Variants in EVC2 observed in about 807,000 individuals in gnomAD.
EVC2 encodes the protein limbin.
EVC2 carries 148 observed loss-of-function variants against 149.3 expected under a neutral mutation model. The ratio of observed to expected loss-of-function variants is 0.99; its 90% CI spans 0.87 to 1.14. The LOEUF is 1.14. Ranked by LOEUF, EVC2 falls within the 50% of genes most tolerant of loss-of-function variation. The pLI is 0.00. For synonymous variants in EVC2, 776 were observed against 649.9 expected (o/e 1.19, Z -2.95); for missense variants, 1,854 against 1,627.3 (o/e 1.14, Z -2.40).
chr4:5,640,609 C>T lies in EVC2; in HGVS notation c.1375G>A (p.Asp459Asn), dbSNP rs1717255444. ...RKMVALTAECDLETRKKMENQ... is the reference protein window; with the variant it reads ...RKMVALTAECNLETRKKMENQ... ...TCCATCTTCTTTCTTGTTTCCAGGT[C>T]ACATTCAGCTGTCAATGCCACCATC... Residue 459 changes from aspartate to asparagine, a missense_variant, in exon 10 of 22, where the codon GAC becomes AAC. Physicochemically the swap from Asp to Asn is conservative, Grantham distance 23 (BLOSUM62 1). Coordinates refer to ENST00000344408, the MANE Select transcript of EVC2 (RefSeq NM_147127.5). The surrounding 1 kb of genome is among the most constrained non-coding windows in gnomAD (Gnocchi z 4.6). 1.2e-6 allele frequency: 2 copies of T among 1,614,020 alleles called. No individual in the cohort carries two copies. Among genetic ancestry groups the T allele is most frequent in the South Asian group, 2.2e-5 (2 of 91,070 alleles).
intron 10 of EVC2, among the ~76,000 whole-genome samples, chr4:5,639,939 TC>T (rs1717194116): frequency 6.6e-6 from 1 of 152,220 alleles, no homozygotes; most frequent in Non-Finnish European, 1.5e-5. Flanking sequence ...CCCTATACCT[TC>T]ACTGCCTAGC....
intron 17 of EVC2, among the ~76,000 whole-genome samples, chr4:5,581,407 GT>G (rs1342614113): frequency 2.0e-5 from 3 of 152,226 alleles, no homozygotes; most frequent in African/African-American, 4.8e-5. Context: ...GGCTGAGGAG[GT>G]CTCAGATGGA....
chr4:5,583,346 T>TA (rs1179764676), intron 17 of EVC2, among the ~76,000 whole-genome samples: 33 of 152,348 alleles, frequency 2.2e-4, no homozygotes, highest in African/African-American at 7.2e-4. Flanking sequence ...GTTTTGGTGT[T>TA]AAAGTTATCT....
intron 21 of EVC2, among the ~76,000 whole-genome samples, chr4:5,556,578 G>T (rs1721845087): frequency 6.6e-6 from 1 of 151,814 alleles, no homozygotes; most frequent in African/African-American, 2.4e-5. Flanking sequence ...AGAAAAAAAT[G>T]ATAATAAAAA....
intron 21 of EVC2, among the ~76,000 whole-genome samples, chr4:5,545,256 G>T (rs1380749724): frequency 6.6e-6 from 1 of 152,098 alleles, no homozygotes; most frequent in Non-Finnish European, 1.5e-5. Context: ...ATAAATAAAT[G>T]ACACACAGAA....
intron 14 of EVC2, among the ~76,000 whole-genome samples, chr4:5,620,054 T>C (rs1291260183): frequency 6.6e-6 from 1 of 152,186 alleles, no homozygotes; most frequent in African/African-American, 2.4e-5. Context: ...GGAAAGAGAA[T>C]GAGACCTTCA....
At chr4:5,628,531 G>A (rs369880384) in intron 12 of EVC2, 28 bp downstream of exon 12, 58 of 1,612,956 alleles carry the variant, frequency 3.6e-5, no homozygotes, top group Admixed American at 3.2e-4. Context: ...AAGACAGTTC[G>A]CACTGTTGGG....
intron 17 of EVC2, among the ~76,000 whole-genome samples, chr4:5,580,731 T>C (rs1336093653): frequency 6.6e-6 from 1 of 152,154 alleles, no homozygotes. Context: ...TCTGTGGAGG[T>C]TTCCTCCTGT....
chr4:5,625,619 C>T lies in EVC2; in HGVS notation c.2046+130G>A, dbSNP rs116465998. The T allele has an allele frequency of 6.4e-4, 775 of 1,214,388 alleles. 2 individuals carry two copies. In the African/African-American group the frequency reaches 8.7e-3, roughly 14 times the overall value. The allele number at this position is 1,214,388 out of a possible 1,614,324, so 75.2% of individuals were successfully genotyped here. A position where few individuals can be genotyped will look rare whatever the true frequency, so the allele number is the denominator to read the frequency against. On this transcript the variant is annotated intron_variant, in intron 13 of 21. Transcript: ENST00000344408. The surrounding 1 kb of genome is among the most constrained non-coding windows in gnomAD (Gnocchi z 4.0). Reference sequence around the variant, plus strand: ...CGCTACCAATCAACAGTAGATGGCACATCATGGTGCCTGCCCAGCTGCCCT... The same window carrying T: ...CGCTACCAATCAACAGTAGATGGCATATCATGGTGCCTGCCCAGCTGCCCT...
chr4:5,658,166 C>G (rs576107557), intron 9 of EVC2, among the ~76,000 whole-genome samples: 1 of 152,164 alleles, frequency 6.6e-6, no homozygotes, highest in African/African-American at 2.4e-5. Flanking sequence ...GTCCGGCAAA[C>G]AAGAGTCTTG....
At chr4:5,610,748 G>A (rs559377574) in intron 16 of EVC2, among the ~76,000 whole-genome samples, 40 of 150,920 alleles carry the variant, frequency 2.7e-4, no homozygotes, top group African/African-American at 8.3e-4. Flanking sequence ...CTCTTGCAGC[G>A]TGTTCTTCTT....
At chr4:5,672,213 G>C (rs962801502) in intron 7 of EVC2, among the ~76,000 whole-genome samples, 5 of 152,178 alleles carry the variant, frequency 3.3e-5, no homozygotes, top group African/African-American at 1.2e-4. Flanking sequence ...AGTGGGCAGA[G>C]GAGAACGAGC....
chr4:5,539,218 T>C (rs1721470165), downstream of EVC2, among the ~76,000 whole-genome samples: 2 of 152,212 alleles, frequency 1.3e-5, no homozygotes, highest in South Asian at 2.1e-4. Flanking sequence ...CAATACTTAA[T>C]ATTTATGGAT....
At position 5,625,586 on chromosome 4, in the gene EVC2, CA is replaced by C. The variant is rs578215898; in HGVS notation, c.2046+162del. ...TAGCATCCTGCTGAACACAGCATTC[CA>C]AAAAGTCGCTACCAATCAACAGTAG... On this transcript the variant is annotated intron_variant, in intron 13 of 21. Coordinates refer to ENST00000344408, the MANE Select transcript of EVC2 (RefSeq NM_147127.5). This position sits in a 1 kb window ranked among gnomAD's most constrained non-coding sequence, Gnocchi z 4.0. Among the ~76,000 whole-genome samples the C allele has an allele frequency of 3.2e-4, 49 of 152,264 alleles. No homozygotes were observed. The highest frequency in any genetic ancestry group is 1.2e-3 in the African/African-American group (48 of 41,560).
At chr4:5,588,070 T>C (rs1319223626) in intron 16 of EVC2, among the ~76,000 whole-genome samples, 5 of 152,224 alleles carry the variant, frequency 3.3e-5, no homozygotes, top group Non-Finnish European at 7.3e-5. Context: ...ATAACATTTC[T>C]TGGAGTATGA....
chr4:5,552,856 T>G (rs1306386589), intron 21 of EVC2, among the ~76,000 whole-genome samples: 9 of 152,148 alleles, frequency 5.9e-5, no homozygotes, highest in Admixed American at 2.0e-4. Context: ...AGGGCTTCCA[T>G]AAGTCTTTGA....
chr4:5,698,772 T>A (rs1259630755), intron 1 of EVC2, among the ~76,000 whole-genome samples: 3 of 152,240 alleles, frequency 2.0e-5, no homozygotes. Flanking sequence ...GCAAGCAGCC[T>A]GGCCTAGCAC....
rs146793393 is a variant in EVC2 at position 5,611,785 on chromosome 4, G to C, written c.2829+3637C>G. ...TGAAGATAAGTAATCTGAAACTTAA[G>C]TTACAGAAACTTTAAATTATTAGGT... On this transcript the variant is annotated intron_variant, in intron 16 of 21. Transcript: ENST00000344408. Among the ~76,000 whole-genome samples the C allele has an allele frequency of 3.1e-3, 470 of 152,254 alleles. 3 individuals carry two copies. Among genetic ancestry groups the C allele is most frequent in the African/African-American group, 0.011 (456 of 41,552 alleles).
intron 5 of EVC2, among the ~76,000 whole-genome samples, chr4:5,687,813 G>A (rs1459446130): frequency 6.6e-6 from 1 of 151,952 alleles, no homozygotes; most frequent in African/African-American, 2.4e-5. Context: ...ACCACGGGCT[G>A]AAGAGGGTGT....
Sources: allele counts gnomAD v4.1 joint callset (sites outside exome capture counted in the v4.1 genomes callset), GRCh38; gene constraint gnomAD v4.1.1; non-coding constraint Gnocchi (gnomAD v3.1); transcripts MANE v1.5; gene names NCBI Gene and HGNC (gene_info 2026-07-23, HGNC 2026-07-21).